MARCHF1: variants seen among roughly 807,000 people sequenced by gnomAD.
MARCHF1 encodes the protein membrane associated ring-CH-type finger 1.
A neutral mutation model predicts 54.2 loss-of-function variants in MARCHF1; 40 were observed. The observed-to-expected ratio is 0.74, with a 90% CI of 0.57 to 0.96. MARCHF1 has a LOEUF of 0.96. Among genes scored for constraint, MARCHF1 ranks in the 40% least tolerant of loss-of-function variants. The pLI, the probability that MARCHF1 is intolerant of heterozygous loss-of-function variation, is 0.00. For missense variants in MARCHF1, 586 were observed against 656.5 expected, an observed-to-expected ratio of 0.89 and a Z score of 1.17; for synonymous variants, 236 against 236.3, an observed-to-expected ratio of 1.00 and a Z score of 0.01.
At chr4:163,605,299 G>GA (rs1465886659) in intron 7 of MARCHF1, among the ~76,000 whole-genome samples, 2 of 151,962 alleles carry the variant, frequency 1.3e-5, no homozygotes, top group African/African-American at 4.8e-5. Flanking sequence ...ACAAACATAT[G>GA]AAAAAAAGCT....
intron 2 of MARCHF1, among the ~76,000 whole-genome samples, chr4:164,007,409 C>T (rs1753318164): frequency 6.8e-6 from 1 of 147,482 alleles, no homozygotes; most frequent in Non-Finnish European, 1.5e-5. Context: ...GGTATAAAAT[C>T]CACAGGTAAA....
At chr4:163,864,726 G>A (rs1018413692) in intron 3 of MARCHF1, among the ~76,000 whole-genome samples, 12 of 151,664 alleles carry the variant, frequency 7.9e-5, no homozygotes, top group African/African-American at 1.7e-4. Context: ...TTTTCAGGTC[G>A]GTGAAAACTA....
At chr4:163,960,740 A>G (rs1218778073) in intron 3 of MARCHF1, among the ~76,000 whole-genome samples, 1 of 151,792 alleles carries the variant, frequency 6.6e-6, no homozygotes, top group Non-Finnish European at 1.5e-5. Flanking sequence ...AATAATCTGC[A>G]CAATAAACCT....
chr4:163,809,146 G>A lies in MARCHF1; in HGVS notation c.111+44875C>T, dbSNP rs570341311. The stretch of plus-strand genomic sequence containing the variant: ...CTGTAAATAACAATCAACAACACAC[G>A]ATTTTAAACTTTAAAATGCTTTGGT... On this transcript the variant is annotated intron_variant, in intron 4 of 9. Coordinates refer to ENST00000514618, the MANE Select transcript of MARCHF1 (RefSeq NM_001394959.1). Among the ~76,000 whole-genome samples the A allele has an allele frequency of 7.9e-4, 120 of 152,026 alleles. 1 individual carries two copies. The highest frequency in any genetic ancestry group is 3.4e-3 in the Middle Eastern group (1 of 292).
chr4:164,265,721 T>G (rs1419976917), intron 1 of MARCHF1, among the ~76,000 whole-genome samples: 6 of 152,016 alleles, frequency 3.9e-5, no homozygotes, highest in African/African-American at 1.5e-4. Context: ...CCAGCCACTC[T>G]GACATTTTTT....
intron 8 of MARCHF1, among the ~76,000 whole-genome samples, chr4:163,569,244 G>A (rs543686232): frequency 8.5e-5 from 13 of 152,228 alleles, no homozygotes; most frequent in African/African-American, 2.9e-4. Flanking sequence ...ACATGAGATT[G>A]TTTGGGAATG....
At chr4:163,826,634 G>A (rs560459071) in intron 4 of MARCHF1, among the ~76,000 whole-genome samples, 19 of 151,958 alleles carry the variant, frequency 1.3e-4, no homozygotes, top group African/African-American at 4.3e-4. Flanking sequence ...GTGTTCATAG[G>A]GGAAACAGAC....
intron 1 of MARCHF1, among the ~76,000 whole-genome samples, chr4:164,194,361 G>T (rs936986405): frequency 6.6e-6 from 1 of 152,102 alleles, no homozygotes; most frequent in Non-Finnish European, 1.5e-5. Flanking sequence ...GGTGGGAAAG[G>T]CATGATGACT....
At chr4:164,370,212 A>C (rs1356935284) in intron 1 of MARCHF1, among the ~76,000 whole-genome samples, 1 of 152,204 alleles carries the variant, frequency 6.6e-6, no homozygotes, top group African/African-American at 2.4e-5. Context: ...GAAGAAAGAT[A>C]TCACATCCAA....
chr4:164,073,708 T>A (rs1754916340), intron 2 of MARCHF1, among the ~76,000 whole-genome samples: 1 of 152,102 alleles, frequency 6.6e-6, no homozygotes, highest in African/African-American at 2.4e-5. Flanking sequence ...GGTTTTCACA[T>A]CATCCTATAG....
At position 164,102,072 on chromosome 4, in the gene MARCHF1, T is replaced by TA. The variant is rs1016575666; in HGVS notation, c.-248+9515dup. On this transcript the variant is annotated intron_variant, in intron 2 of 9. Transcript: ENST00000514618. ...GAAGGGAAGTTTAGAGAAAAAAGAA[T>TA]AAAAAGAAATGAGCAAAGCCTCCAA... is the stretch of plus-strand genomic sequence containing the variant. Among the ~76,000 whole-genome samples the TA allele has an allele frequency of 9.1e-5, 9 of 98,382 alleles. 1 individual carries two copies. The highest frequency in any genetic ancestry group is 3.2e-4 in the African/African-American group (8 of 24,836). 64.5% of individuals were successfully genotyped at this position (98,382 alleles called of 152,430 possible). A position where few individuals can be genotyped will look rare whatever the true frequency, so the allele number is the denominator to read the frequency against.
intron 1 of MARCHF1, among the ~76,000 whole-genome samples, chr4:164,208,483 C>A (rs1579624571): frequency 6.6e-6 from 1 of 152,156 alleles, no homozygotes; most frequent in South Asian, 2.1e-4. Flanking sequence ...TTTCCTGAGT[C>A]TTCCCAGATG....
chr4:163,983,254 A>C (rs1752797078), intron 3 of MARCHF1, among the ~76,000 whole-genome samples: 1 of 152,132 alleles, frequency 6.6e-6, no homozygotes, highest in African/African-American at 2.4e-5. Context: ...AGATCTAGTT[A>C]AAATGTACTT....
intron 2 of MARCHF1, among the ~76,000 whole-genome samples, chr4:164,049,741 T>G (rs1273442168): frequency 6.6e-6 from 1 of 152,210 alleles, no homozygotes; most frequent in Admixed American, 6.5e-5. Context: ...CATACAATTC[T>G]TGTCATATAT....
At chr4:163,793,058 T>C (rs746818782) in intron 4 of MARCHF1, among the ~76,000 whole-genome samples, 39 of 152,202 alleles carry the variant, frequency 2.6e-4, no homozygotes, top group Admixed American at 5.9e-4. Context: ...GTCTGACATA[T>C]AGCAGACGTT....
intron 4 of MARCHF1, among the ~76,000 whole-genome samples, chr4:163,759,343 T>A (rs1021607358): frequency 1.3e-5 from 2 of 152,210 alleles, no homozygotes; most frequent in Non-Finnish European, 2.9e-5. Flanking sequence ...AGGTACATGA[T>A]AATGTGCCTT....
intron 4 of MARCHF1, among the ~76,000 whole-genome samples, chr4:163,832,119 A>C (rs529647987): frequency 5.9e-5 from 9 of 152,214 alleles, no homozygotes; most frequent in Non-Finnish European, 1.2e-4. Flanking sequence ...AAAGGTATAT[A>C]AGGCAGATTT....
intron 4 of MARCHF1, among the ~76,000 whole-genome samples, chr4:163,730,103 G>A (rs375169405): frequency 3.9e-5 from 6 of 151,980 alleles, no homozygotes; most frequent in Admixed American, 6.6e-5. Flanking sequence ...CTGTTTTTCA[G>A]ATTTGATAAT....
intron 3 of MARCHF1, among the ~76,000 whole-genome samples, chr4:163,955,940 G>C (rs1003445781): frequency 5.3e-5 from 8 of 152,110 alleles, no homozygotes; most frequent in African/African-American, 1.9e-4. Flanking sequence ...AAAGGGATGG[G>C]AGATATGACA....
Sources: gnomAD v4.1 joint callset for allele counts (sites outside exome capture counted in the v4.1 genomes callset) on GRCh38, gnomAD v4.1.1 for gene constraint, MANE v1.5 for transcripts, NCBI Gene and HGNC (gene_info 2026-07-23, HGNC 2026-07-21) for gene names.